Variants in PLXDC2 observed in about 807,000 individuals in gnomAD.
The protein encoded by PLXDC2 is plexin domain-containing protein 2.
Under a neutral mutation model 68.9 loss-of-function variants are expected in PLXDC2, and 40 were observed. The observed-to-expected ratio is 0.58, with a 90% CI of 0.45 to 0.76. The LOEUF (loss-of-function observed/expected upper bound fraction) is 0.76, where lower values mean the gene tolerates loss of function less well. PLXDC2 is among the 30% of genes least tolerant of loss of function. PLXDC2 has a pLI of 0.00. For missense variants in PLXDC2, 644 were observed against 661.9 expected, an observed-to-expected ratio of 0.97 and a Z score of 0.30; for synonymous variants, 243 against 234.2, an observed-to-expected ratio of 1.04 and a Z score of -0.34.
At chr10:20,271,817 G>A (rs1835944635) in intron 13 of PLXDC2, among the ~76,000 whole-genome samples, 1 of 152,170 alleles carries the variant, frequency 6.6e-6, no homozygotes, top group African/African-American at 2.4e-5. Context: ...GGAGGTAGCA[G>A]CTTCGAGGTG....
Position 20,034,551 on chromosome 10 carries a change from G to A in PLXDC2, c.325-12318G>A, listed in dbSNP as rs182374096. 8.5e-5 allele frequency among the ~76,000 whole-genome samples: 13 copies of A among 152,214 alleles called. No homozygotes were observed. The East Asian group carries it at 2.1e-3, about 25-fold the overall frequency. The stretch of plus-strand genomic sequence containing the variant: ...TCATTTATTTGTAAAATTATTTTCC[G>A]ATATCAAAGGCTACAGAACATTGCT... On this transcript the variant is annotated intron_variant, in intron 2 of 13. Transcript: ENST00000377252.
chr10:20,108,851 T>C (rs769307671), intron 4 of PLXDC2, among the ~76,000 whole-genome samples: 7 of 152,202 alleles, frequency 4.6e-5, no homozygotes, highest in Non-Finnish European at 8.8e-5. Flanking sequence ...AAAGTAAGAT[T>C]GTAGGTGAAT....
Position 19,995,863 on chromosome 10 carries a change from T to A in PLXDC2, c.113-5912T>A, listed in dbSNP as rs139645071. 5.0e-4 allele frequency among the ~76,000 whole-genome samples: 76 copies of A among 152,314 alleles called. 1 individual carries two copies. The East Asian group carries it at 0.013, about 26-fold the overall frequency. On this transcript the variant is annotated intron_variant, in intron 1 of 13. Coordinates refer to ENST00000377252, the MANE Select transcript of PLXDC2 (RefSeq NM_032812.9). ...ATATTGAGCTGAATCTTGAAGGAGT[T>A]ATCAGATTTCCCAAAGTCTTGGGGT... is the stretch of plus-strand genomic sequence containing the variant.
intron 6 of PLXDC2, among the ~76,000 whole-genome samples, chr10:20,163,183 A>G (rs977373641): frequency 4.6e-5 from 7 of 152,236 alleles, no homozygotes; most frequent in African/African-American, 1.4e-4. Context: ...AATTGAGCAT[A>G]CTGACACAAA....
At chr10:20,252,840 C>T (rs1835696470) in intron 13 of PLXDC2, among the ~76,000 whole-genome samples, 1 of 152,112 alleles carries the variant, frequency 6.6e-6, no homozygotes, top group Admixed American at 6.5e-5. Context: ...AGGCAGTCAC[C>T]ATAAAATATT....
intron 1 of PLXDC2, among the ~76,000 whole-genome samples, chr10:19,927,397 C>A (rs1337228389): frequency 1.3e-5 from 2 of 151,900 alleles, no homozygotes; most frequent in Non-Finnish European, 2.9e-5. Flanking sequence ...GGTAGAGAGA[C>A]AAATTTATAA....
At chr10:19,906,356 G>T (rs555123829) in intron 1 of PLXDC2, among the ~76,000 whole-genome samples, 14 of 152,144 alleles carry the variant, frequency 9.2e-5, no homozygotes, top group Non-Finnish European at 1.9e-4. Context: ...GAAGCACCAG[G>T]GTCAGTCAGG....
chr10:20,218,157 A>G (rs1189520960), intron 11 of PLXDC2, among the ~76,000 whole-genome samples: 1 of 152,150 alleles, frequency 6.6e-6, no homozygotes, highest in Non-Finnish European at 1.5e-5. Context: ...GGCACAGCTC[A>G]GGAGGAAGAA....
At chr10:20,238,931 C>A (rs1189753779) in intron 12 of PLXDC2, among the ~76,000 whole-genome samples, 1 of 151,462 alleles carries the variant, frequency 6.6e-6, no homozygotes, top group Non-Finnish European at 1.5e-5. Flanking sequence ...ATCTTGGATA[C>A]TATTGATTTT....
At chr10:20,060,442 A>T (rs758982740) in intron 3 of PLXDC2, among the ~76,000 whole-genome samples, 15 of 151,450 alleles carry the variant, frequency 9.9e-5, no homozygotes, top group African/African-American at 2.4e-4. Flanking sequence ...GGCTCCTGGA[A>T]CTATACTTAG....
chr10:20,012,285 G>GTCTC (rs1412553546), intron 2 of PLXDC2, among the ~76,000 whole-genome samples: 11 of 137,992 alleles, frequency 8.0e-5, no homozygotes, highest in African/African-American at 2.7e-4. Context: ...GGGGATAAGA[G>GTCTC]TCTCTCTCTC....
intron 1 of PLXDC2, among the ~76,000 whole-genome samples, chr10:19,862,399 T>G (rs1589506480): frequency 2.0e-5 from 3 of 152,260 alleles, no homozygotes; most frequent in Middle Eastern, 6.8e-3. Context: ...ATTAAAAAAT[T>G]TATTAAGTGC....
chr10:19,826,287 A>T (rs999146178), intron 1 of PLXDC2, among the ~76,000 whole-genome samples: 8 of 152,054 alleles, frequency 5.3e-5, no homozygotes, highest in Non-Finnish European at 1.2e-4. Flanking sequence ...TTTTAATTCT[A>T]TTTACTATTT....
chr10:19,837,108 T>A (rs888307592), intron 1 of PLXDC2, among the ~76,000 whole-genome samples: 12 of 152,072 alleles, frequency 7.9e-5, no homozygotes, highest in African/African-American at 9.7e-5. Context: ...ATTGAAGGTT[T>A]TTTTTTTATC....
At chr10:20,221,923 G>A (rs1021656976) in intron 12 of PLXDC2, among the ~76,000 whole-genome samples, 1 of 152,032 alleles carries the variant, frequency 6.6e-6, no homozygotes, top group Non-Finnish European at 1.5e-5. Flanking sequence ...TATTTAATTG[G>A]ACCGCTGTTT....
At chr10:19,933,564 T>C (rs1233770834) in intron 1 of PLXDC2, among the ~76,000 whole-genome samples, 1 of 151,766 alleles carries the variant, frequency 6.6e-6, no homozygotes, top group Non-Finnish European at 1.5e-5. Flanking sequence ...ACCCTGGAGG[T>C]AGAGGTTGCA....
chr10:20,041,502 CAAA>C (rs1238594720), intron 2 of PLXDC2, among the ~76,000 whole-genome samples: 1 of 152,122 alleles, frequency 6.6e-6, no homozygotes, highest in Non-Finnish European at 1.5e-5. Flanking sequence ...TTGTAGTACT[CAAA>C]ATTCTATGGC....
At chr10:20,234,837 AG>A (rs1214299399) in intron 12 of PLXDC2, among the ~76,000 whole-genome samples, 1 of 152,154 alleles carries the variant, frequency 6.6e-6, no homozygotes, top group Non-Finnish European at 1.5e-5. Flanking sequence ...CTAAGGTTCC[AG>A]TACTGAGGCA....
At chr10:20,196,903 T>C (rs1195332582) in intron 9 of PLXDC2, among the ~76,000 whole-genome samples, 1 of 152,202 alleles carries the variant, frequency 6.6e-6, no homozygotes, top group Non-Finnish European at 1.5e-5. Context: ...AAATCACTAA[T>C]CGGCTTGTTA....
Sources: gnomAD v4.1 joint callset for allele counts (sites outside exome capture counted in the v4.1 genomes callset) on GRCh38, gnomAD v4.1.1 for gene constraint, MANE v1.5 for transcripts, NCBI Gene and HGNC (gene_info 2026-07-23, HGNC 2026-07-21) for gene names.